PLCB1: variants seen among roughly 807,000 people sequenced by gnomAD.
The protein encoded by PLCB1 is phospholipase C beta 1, also known as 1-phosphatidylinositol 4,5-bisphosphate phosphodiesterase beta-1.
Under a neutral mutation model 161.8 loss-of-function variants are expected in PLCB1, and 46 were observed. The observed-to-expected ratio is 0.28, with a 90% CI of 0.22 to 0.36. The LOEUF (loss-of-function observed/expected upper bound fraction) is 0.36, where lower values mean the gene tolerates loss of function less well. Ranked by LOEUF, PLCB1 falls within the 10% of genes least tolerant of loss-of-function variation. The pLI, the probability that PLCB1 is intolerant of heterozygous loss-of-function variation, is 1.00. For synonymous variants in PLCB1, 517 were observed against 503.7 expected (o/e 1.03, Z -0.35); for missense variants, 1,016 against 1,472.5 (o/e 0.69, Z 5.07).
rs532265736 is a variant in PLCB1, at chr20:8,132,841, A to G, written c.99+91A>G. 5 of 855,748 alleles carry G rather than the reference A, an allele frequency of 5.8e-6. No individual in the cohort carries two copies. The highest frequency in any genetic ancestry group is 4.2e-5 in the Admixed American group (2 of 47,130). The allele number at this position is 855,748 out of a possible 1,614,324, so 53.0% of individuals were successfully genotyped here. The stretch of plus-strand genomic sequence containing the variant: ...GGTGGGGCAAGGGGCGCGTTATGCA[A>G]TGGGCGCACTGGGAGCGGGCAGGGG... On this transcript the variant is annotated intron_variant, in intron 1 of 31. Transcript: ENST00000338037. This position sits in a 1 kb window ranked among gnomAD's most constrained non-coding sequence, Gnocchi z 5.2.
chr20:8,484,962 T>A (rs1164947901), intron 3 of PLCB1, among the ~76,000 whole-genome samples: 1 of 152,206 alleles, frequency 6.6e-6, no homozygotes, highest in Non-Finnish European at 1.5e-5. Context: ...GAACTTGCTA[T>A]GTGGCCTGAA....
chr20:8,410,982 G>A (rs1188025835), intron 3 of PLCB1, among the ~76,000 whole-genome samples: 1 of 152,224 alleles, frequency 6.6e-6, no homozygotes, highest in Non-Finnish European at 1.5e-5. Flanking sequence ...GTAGCAGCGT[G>A]ACACTGATGA....
intron 3 of PLCB1, among the ~76,000 whole-genome samples, chr20:8,514,757 TTGTA>T (rs1380747650): frequency 6.6e-6 from 1 of 152,192 alleles, no homozygotes; most frequent in Non-Finnish European, 1.5e-5. Context: ...ATGATATATC[TTGTA>T]TGTATGTATG....
At chr20:8,510,888 A>C (rs1983857501) in intron 3 of PLCB1, among the ~76,000 whole-genome samples, 1 of 152,202 alleles carries the variant, frequency 6.6e-6, no homozygotes, top group Non-Finnish European at 1.5e-5. Context: ...TAATGATTAC[A>C]TATGTTTATG....
intron 31 of PLCB1, among the ~76,000 whole-genome samples, chr20:8,835,385 T>C (rs545310851): frequency 6.6e-6 from 1 of 152,306 alleles, no homozygotes; most frequent in African/African-American, 2.4e-5. Flanking sequence ...TCTCCACCGT[T>C]GTCACATTCT....
chr20:8,658,593 C>G lies in PLCB1; in HGVS notation c.751C>G (p.Leu251Val). ...TGATCAGATGATGGATTTTATCAACCTTAAGCAGCGAGATCCTCGGCTTAA... is the reference window on the plus strand; with the variant it reads ...TGATCAGATGATGGATTTTATCAACGTTAAGCAGCGAGATCCTCGGCTTAA... The part of the protein sequence containing the change: ...TVDQMMDFIN[L>V]KQRDPRLNEI... Residue 251 changes from leucine to valine, a missense_variant, in exon 9 of 32, where the codon CTT becomes GTT. By Grantham distance (32) the Leu-to-Val change is conservative. Transcript: ENST00000338037. The G allele has an allele frequency of 6.2e-7, 1 of 1,612,714 alleles. No individual in the cohort carries two copies. Among genetic ancestry groups the G allele is most frequent in the Non-Finnish European group, 8.5e-7 (1 of 1,179,160 alleles).
At chr20:8,436,717 C>A (rs1448149906) in intron 3 of PLCB1, among the ~76,000 whole-genome samples, 1 of 152,160 alleles carries the variant, frequency 6.6e-6, no homozygotes, top group Non-Finnish European at 1.5e-5. Context: ...CCTGATGTAG[C>A]TTTCATTAGA....
At chr20:8,573,801 G>T (rs1194611506) in intron 3 of PLCB1, among the ~76,000 whole-genome samples, 1 of 152,170 alleles carries the variant, frequency 6.6e-6, no homozygotes, top group Non-Finnish European at 1.5e-5. Context: ...TGATTACAGT[G>T]ATAGTTTCCT....
At chr20:8,803,922 T>C (rs898508308) in intron 31 of PLCB1, among the ~76,000 whole-genome samples, 2 of 151,988 alleles carry the variant, frequency 1.3e-5, no homozygotes, top group Non-Finnish European at 2.9e-5. Context: ...GCCTCCCGAG[T>C]AGCTGGGATT....
intron 10 of PLCB1, among the ~76,000 whole-genome samples, chr20:8,686,439 T>G (rs1231087211): frequency 1.3e-5 from 2 of 152,198 alleles, no homozygotes; most frequent in Non-Finnish European, 1.5e-5. Flanking sequence ...AGTAGATTTT[T>G]TACGAATAAT....
intron 3 of PLCB1, among the ~76,000 whole-genome samples, chr20:8,495,384 C>CTTTTT (rs1983118051): frequency 8.3e-6 from 1 of 121,032 alleles, no homozygotes; most frequent in African/African-American, 3.4e-5. Context: ...CCTTACCTTC[C>CTTTTT]TTTCTTTTTT....
chr20:8,788,639 G>T lies in PLCB1; in HGVS notation c.3195G>T (p.Lys1065Asn). 2 of 1,606,976 alleles carry T rather than the reference G, an allele frequency of 1.2e-6. No individual in the cohort carries two copies. The highest frequency in any genetic ancestry group is 2.2e-5 in the South Asian group (2 of 89,498). Residue 1065 changes from lysine to asparagine, a missense_variant, in exon 29 of 32, where the codon AAG becomes AAT. Lys to Asn is a moderately conservative substitution (Grantham distance 94). This residue lies in a region of PLCB1 where 398 missense variants were observed against 445.4 expected (regional missense o/e 0.89). Coordinates refer to ENST00000338037, the MANE Select transcript of PLCB1 (RefSeq NM_015192.4). ...ACTTCCATTGTGACTTCAGAGAAAA[G>T]AAAGAATTAAAGAAGAAAATGGATA... The part of the protein sequence containing the change: ...KKLKEICEKE[K>N]KELKKKMDKK...
In PLCB1 at chr20:8,646,482, T is replaced by A. The variant is rs577698982; in HGVS notation, c.464+301T>A. Among the ~76,000 whole-genome samples the A allele has an allele frequency of 2.6e-5, 4 of 152,320 alleles. No individual in the cohort carries two copies. The South Asian group carries it at 8.3e-4, about 32-fold the overall frequency. On this transcript the variant is annotated intron_variant, in intron 5 of 31. Coordinates refer to ENST00000338037, the MANE Select transcript of PLCB1 (RefSeq NM_015192.4). ...AAATCCTGGCAGCTGTGCTCAGAAC[T>A]AAAAATTATTAATTTCAGATAATCC...
At chr20:8,705,728 G>A (rs567770898) in intron 11 of PLCB1, among the ~76,000 whole-genome samples, 1 of 152,322 alleles carries the variant, frequency 6.6e-6, no homozygotes, top group South Asian at 2.1e-4. Context: ...CATGCTTGAT[G>A]TATTCAAGGA....
chr20:8,667,449 A>G (rs753629719), intron 9 of PLCB1, among the ~76,000 whole-genome samples: 17 of 152,194 alleles, frequency 1.1e-4, no homozygotes, highest in Non-Finnish European at 2.4e-4. Flanking sequence ...TCTATTGTTC[A>G]TTGGTTGACT....
chr20:8,389,310 A>G (rs528752384), intron 3 of PLCB1, among the ~76,000 whole-genome samples: 1 of 151,918 alleles, frequency 6.6e-6, no homozygotes, highest in Admixed American at 6.5e-5. Context: ...TCAAGATTCT[A>G]TGTCATTTAT....
intron 3 of PLCB1, among the ~76,000 whole-genome samples, chr20:8,485,126 G>A (rs1193085062): frequency 6.6e-6 from 1 of 152,198 alleles, no homozygotes; most frequent in Non-Finnish European, 1.5e-5. Flanking sequence ...GGTACAGTGA[G>A]AAAACTGTCA....
At chr20:8,317,585 T>C (rs902693324) in intron 2 of PLCB1, among the ~76,000 whole-genome samples, 2 of 151,808 alleles carry the variant, frequency 1.3e-5, no homozygotes, top group African/African-American at 2.4e-5. Flanking sequence ...TGCAAATCCT[T>C]AGTATTATCA....
intron 2 of PLCB1, among the ~76,000 whole-genome samples, chr20:8,354,276 G>GA (rs1986289020): frequency 1.3e-5 from 2 of 151,812 alleles, no homozygotes; most frequent in African/African-American, 4.8e-5. Context: ...AGTATTTCAA[G>GA]AAAAAAACTC....
Sources: allele counts gnomAD v4.1 joint callset (sites outside exome capture counted in the v4.1 genomes callset), GRCh38; gene constraint gnomAD v4.1.1; regional missense constraint gnomAD v4.1.1; non-coding constraint Gnocchi (gnomAD v3.1); transcripts MANE v1.5; gene names NCBI Gene and HGNC (gene_info 2026-07-23, HGNC 2026-07-21).